ADGRB3: variants seen among roughly 807,000 people sequenced by gnomAD.
ADGRB3 encodes brain-specific angiogenesis inhibitor 3.
In ADGRB3, 37 loss-of-function variants were observed where a neutral mutation model predicts 193.4. That is an observed-to-expected ratio of 0.19 (90% CI 0.15 to 0.25). ADGRB3 has a LOEUF of 0.25. Among genes scored for constraint, ADGRB3 ranks in the 10% least tolerant of loss-of-function variants. ADGRB3 has a pLI of 1.00. For synonymous variants in ADGRB3, 690 were observed against 644.2 expected (o/e 1.07, Z -1.08); for missense variants, 1,637 against 1,852.9 (o/e 0.88, Z 2.14).
intron 20 of ADGRB3, among the ~76,000 whole-genome samples, chr6:69,241,080 A>T (rs550589292): frequency 1.3e-5 from 2 of 151,904 alleles, no homozygotes; most frequent in Non-Finnish European, 2.9e-5. Context: ...TGCTTTTAAA[A>T]CTGTTTCATG....
chr6:69,100,696 G>A (rs4706857), intron 17 of ADGRB3, among the ~76,000 whole-genome samples: 101,933 of 150,974 alleles, frequency 0.68, 35,373 homozygotes, highest in East Asian at 0.96. Flanking sequence ...TTAAAAATAT[G>A]TATAATAATT....
At chr6:68,678,441 G>A (rs770964795) in intron 3 of ADGRB3, among the ~76,000 whole-genome samples, 2 of 152,118 alleles carry the variant, frequency 1.3e-5, no homozygotes, top group Non-Finnish European at 2.9e-5. Context: ...CACCCTTCCC[G>A]GAAAGTATGA....
chr6:68,708,130 T>C (rs1344512920), intron 3 of ADGRB3, among the ~76,000 whole-genome samples: 2 of 152,186 alleles, frequency 1.3e-5, no homozygotes, highest in African/African-American at 4.8e-5. Flanking sequence ...AGACTTTTTG[T>C]ATTTGAGCCA....
chr6:69,053,771 GGCCAATTTGGCAATACCAA>G (rs1292600850), intron 15 of ADGRB3, among the ~76,000 whole-genome samples: 1 of 152,098 alleles, frequency 6.6e-6, no homozygotes, highest in East Asian at 1.9e-4. Flanking sequence ...CATTTTTGGA[GGCCAATTTGGCAATACCAA>G]GAGCCTTAAA....
At chr6:69,057,880 T>C (rs1293957139) in intron 15 of ADGRB3, among the ~76,000 whole-genome samples, 1 of 151,950 alleles carries the variant, frequency 6.6e-6, no homozygotes, top group Non-Finnish European at 1.5e-5. Context: ...TAAGGATATT[T>C]GTCTGTAGTT....
chr6:69,037,023 T>G (rs942472924), intron 13 of ADGRB3, among the ~76,000 whole-genome samples: 2 of 152,174 alleles, frequency 1.3e-5, no homozygotes, highest in Non-Finnish European at 2.9e-5. Flanking sequence ...GAGATTCTGG[T>G]GGCTTTTGGC....
At chr6:68,828,800 T>C (rs1026988520) in intron 3 of ADGRB3, among the ~76,000 whole-genome samples, 1 of 152,166 alleles carries the variant, frequency 6.6e-6, no homozygotes, top group Non-Finnish European at 1.5e-5. Context: ...TGGGTGATTA[T>C]CAAAAGGGTT....
At chr6:68,802,573 A>G (rs924271558) in intron 3 of ADGRB3, among the ~76,000 whole-genome samples, 3 of 152,334 alleles carry the variant, frequency 2.0e-5, no homozygotes, top group Admixed American at 2.0e-4. Flanking sequence ...GCATGGTATA[A>G]CAAACTTCAA....
chr6:68,929,707 G>A (rs1767284916), intron 3 of ADGRB3, among the ~76,000 whole-genome samples: 2 of 152,070 alleles, frequency 1.3e-5, no homozygotes, highest in African/African-American at 4.8e-5. Flanking sequence ...TTCAGTCACA[G>A]TTCAATAAGC....
intron 17 of ADGRB3, among the ~76,000 whole-genome samples, chr6:69,116,451 T>C (rs1414885773): frequency 6.6e-6 from 1 of 152,202 alleles, no homozygotes; most frequent in Non-Finnish European, 1.5e-5. Flanking sequence ...ACAATTTGGA[T>C]ACAGCTATGA....
At chr6:69,168,370 CA>C (rs1775183973) in intron 17 of ADGRB3, among the ~76,000 whole-genome samples, 1 of 152,064 alleles carries the variant, frequency 6.6e-6, no homozygotes. Context: ...CAAAATCTAT[CA>C]AAAAGCAACA....
intron 17 of ADGRB3, among the ~76,000 whole-genome samples, chr6:69,207,323 A>G (rs550875478): frequency 1.2e-3 from 189 of 152,308 alleles, no homozygotes; most frequent in African/African-American, 4.5e-3. Flanking sequence ...ACCCCACTCA[A>G]AACTGGCAGC....
At chr6:69,015,472 C>A (rs1004191549) in intron 12 of ADGRB3, among the ~76,000 whole-genome samples, 14 of 151,902 alleles carry the variant, frequency 9.2e-5, no homozygotes, top group African/African-American at 3.4e-4. Flanking sequence ...ACAAAAACAA[C>A]CCTGTTCTGC....
At chr6:69,059,651 G>A (rs1771662580) in intron 15 of ADGRB3, among the ~76,000 whole-genome samples, 1 of 152,106 alleles carries the variant, frequency 6.6e-6, no homozygotes, top group South Asian at 2.1e-4. Flanking sequence ...AGCATTAGCA[G>A]ATCACAAAGC....
chr6:69,002,048 G>A (rs1214514551), intron 11 of ADGRB3, among the ~76,000 whole-genome samples: 1 of 152,072 alleles, frequency 6.6e-6, no homozygotes, highest in Non-Finnish European at 1.5e-5. Context: ...ACATCCGCTA[G>A]GTTTAAGAAA....
chr6:69,040,459 GC>G (rs987939428), intron 13 of ADGRB3, among the ~76,000 whole-genome samples: 27 of 150,456 alleles, frequency 1.8e-4, no homozygotes, highest in Admixed American at 1.3e-3. Flanking sequence ...AATAGGTGTG[GC>G]TGCATGCCAA....
intron 3 of ADGRB3, among the ~76,000 whole-genome samples, chr6:68,778,221 G>C (rs1388317206): frequency 6.6e-6 from 1 of 152,056 alleles, no homozygotes; most frequent in Non-Finnish European, 1.5e-5. Flanking sequence ...TTTCTCCAGG[G>C]AATGGGTAAG....
At chr6:68,703,396 G>C (rs138249529) in intron 3 of ADGRB3, among the ~76,000 whole-genome samples, 3 of 151,856 alleles carry the variant, frequency 2.0e-5, no homozygotes, top group Non-Finnish European at 2.9e-5. Flanking sequence ...AATTTTGAGC[G>C]TATCAATTTA....
In ADGRB3 at chr6:68,943,754, TTTTTAA is replaced by T. The variant is rs1767701570; in HGVS notation, c.1031-73_1031-68del. On this transcript the variant is annotated intron_variant, in intron 5 of 31. Transcript: ENST00000370598. ...CATTTGTCTATTTAATGAGTTTTGC[TTTTTAA>T]TTATAAAGAAAATGATCTTTGATTT... is the stretch of plus-strand genomic sequence containing the variant. 4.5e-6 allele frequency: 6 copies of T among 1,334,782 alleles called. No homozygotes were observed. The Admixed American group carries it at 8.7e-5, about 19-fold the overall frequency. The allele number at this position is 1,334,782 out of a possible 1,614,324, so 82.7% of individuals were successfully genotyped here.
Sources: gnomAD v4.1 joint callset for allele counts (sites outside exome capture counted in the v4.1 genomes callset) on GRCh38, gnomAD v4.1.1 for gene constraint, MANE v1.5 for transcripts, NCBI Gene and HGNC (gene_info 2026-07-23, HGNC 2026-07-21) for gene names.